RBFOX1: variants seen among roughly 807,000 people sequenced by gnomAD.
The protein encoded by RBFOX1 is RNA binding fox-1 homolog 1.
In RBFOX1, 8 loss-of-function variants were observed where a neutral mutation model predicts 57.7. The ratio of observed to expected loss-of-function variants is 0.14; its 90% CI spans 0.08 to 0.25. The LOEUF (loss-of-function observed/expected upper bound fraction) is 0.25. RBFOX1 is among the 10% of genes least tolerant of loss of function. The probability of loss-of-function intolerance (pLI) is 1.00; values close to 1 mark genes in which losing one functional copy is unlikely to be tolerated. For missense variants in RBFOX1, 611 were observed against 548.5 expected, an observed-to-expected ratio of 1.11 and a Z score of -1.14; for synonymous variants, 326 against 222.4, an observed-to-expected ratio of 1.47 and a Z score of -4.15.
At chr16:5,631,664 C>G (rs2048511925) in intron 3 of RBFOX1, among the ~76,000 whole-genome samples, 1 of 152,154 alleles carries the variant, frequency 6.6e-6, no homozygotes, top group African/African-American at 2.4e-5. Context: ...TTTCCCACCT[C>G]CTAGAACGGA....
At chr16:7,381,564 A>G (rs1457322881) in intron 4 of RBFOX1, among the ~76,000 whole-genome samples, 1 of 151,938 alleles carries the variant, frequency 6.6e-6, no homozygotes, top group Non-Finnish European at 1.5e-5. Context: ...TATACCCTAA[A>G]AAGAGGATTT....
intron 4 of RBFOX1, among the ~76,000 whole-genome samples, chr16:7,221,248 G>C (rs966897680): frequency 1.3e-5 from 2 of 152,074 alleles, no homozygotes; most frequent in African/African-American, 4.8e-5. Context: ...TAGAATAAGG[G>C]CTTCATAGCC....
At chr16:7,029,170 ATACGTATACGTGTATATATACACATATG>A (rs1449769167) in intron 3 of RBFOX1, among the ~76,000 whole-genome samples, 8,734 of 117,222 alleles carry the variant, frequency 0.075, 1,069 homozygotes, top group Non-Finnish European at 0.11. Context: ...ACACATATAT[ATACGTATACGTGTATATATACACATATG>A]TATACGTATA....
chr16:7,395,983 G>C (rs530037038), intron 4 of RBFOX1, among the ~76,000 whole-genome samples: 2 of 152,116 alleles, frequency 1.3e-5, no homozygotes, highest in African/African-American at 2.4e-5. Flanking sequence ...AGCATCTATC[G>C]GCAGGGCTTG....
chr16:5,790,789 C>T (rs1272974230), intron 3 of RBFOX1, among the ~76,000 whole-genome samples: 1 of 152,066 alleles, frequency 6.6e-6, no homozygotes, highest in Non-Finnish European at 1.5e-5. Context: ...CCTTACAGGA[C>T]CATTCCAGAG....
At chr16:7,297,726 T>C (rs2095928229) in intron 4 of RBFOX1, among the ~76,000 whole-genome samples, 2 of 152,318 alleles carry the variant, frequency 1.3e-5, no homozygotes, top group Middle Eastern at 3.4e-3. Context: ...GATGATAATA[T>C]AACTGTTTCA....
chr16:5,974,679 T>C (rs758219327), intron 4 of RBFOX1, among the ~76,000 whole-genome samples: 2 of 151,992 alleles, frequency 1.3e-5, no homozygotes, highest in East Asian at 1.9e-4. Context: ...ATTTCATTAG[T>C]TGTAATTATT....
At chr16:6,685,105 G>C (rs1211722436) in intron 3 of RBFOX1, among the ~76,000 whole-genome samples, 1 of 152,042 alleles carries the variant, frequency 6.6e-6, no homozygotes, top group African/African-American at 2.4e-5. Flanking sequence ...CCTATTTCCT[G>C]TCCAGAAAGG....
chr16:7,446,760 C>G (rs992407716), intron 4 of RBFOX1, among the ~76,000 whole-genome samples: 5 of 147,566 alleles, frequency 3.4e-5, no homozygotes, highest in African/African-American at 1.2e-4. Context: ...AACTTAAGCT[C>G]ACGTTTTCCT....
At chr16:6,908,877 T>G (rs1038392976) in intron 3 of RBFOX1, among the ~76,000 whole-genome samples, 1 of 152,122 alleles carries the variant, frequency 6.6e-6, no homozygotes, top group Admixed American at 6.6e-5. Flanking sequence ...TATAATAATT[T>G]TGAACAATGC....
chr16:7,469,515 G>C (rs2061170842), intron 4 of RBFOX1, among the ~76,000 whole-genome samples: 1 of 152,094 alleles, frequency 6.6e-6, no homozygotes, highest in African/African-American at 2.4e-5. Context: ...CAGCTTGCAT[G>C]TGGCATCCTC....
intron 2 of RBFOX1, among the ~76,000 whole-genome samples, chr16:6,393,130 C>T (rs977080953): frequency 2.0e-5 from 3 of 152,210 alleles, no homozygotes; most frequent in Admixed American, 6.5e-5. Context: ...GTATATTTTG[C>T]AGCCAAATGC....
At chr16:5,480,898 A>T (rs1421339096) in intron 2 of RBFOX1, among the ~76,000 whole-genome samples, 1 of 152,202 alleles carries the variant, frequency 6.6e-6, no homozygotes, top group African/African-American at 2.4e-5. Flanking sequence ...CTGAAACGTT[A>T]TTGCCACATA....
intron 3 of RBFOX1, among the ~76,000 whole-genome samples, chr16:7,001,668 G>C (rs1229949875): frequency 6.6e-6 from 1 of 151,990 alleles, no homozygotes; most frequent in East Asian, 1.9e-4. Flanking sequence ...TGTTGGCCAG[G>C]GTGGTCTCAA....
intron 4 of RBFOX1, among the ~76,000 whole-genome samples, chr16:5,905,630 G>C (rs916487324): frequency 6.6e-6 from 1 of 152,124 alleles, no homozygotes. Context: ...AGGAGGTCAA[G>C]GCTGCAGTAC....
chr16:6,967,958 C>T (rs959975171), intron 3 of RBFOX1, among the ~76,000 whole-genome samples: 4 of 152,168 alleles, frequency 2.6e-5, no homozygotes, highest in Admixed American at 2.0e-4. Flanking sequence ...GATAAAAACG[C>T]TCGGGGAGAG....
chr16:6,553,501 C>T (rs985309828), intron 2 of RBFOX1, among the ~76,000 whole-genome samples: 8 of 152,278 alleles, frequency 5.3e-5, no homozygotes, highest in East Asian at 3.9e-4. Context: ...CTACACCAAT[C>T]CACACAAGTA....
intron 14 of RBFOX1, among the ~76,000 whole-genome samples, chr16:7,700,950 T>C (rs1300362511): frequency 6.6e-6 from 1 of 152,158 alleles, no homozygotes; most frequent in Non-Finnish European, 1.5e-5. Flanking sequence ...TGTGTACGTA[T>C]TATGTATGCA....
chr16:6,097,826 T>C lies in RBFOX1; in HGVS notation c.-127+77834T>C, dbSNP rs2096263357. ...ATTTATTTTCTATCACCGTACTTACTGGTGGAGTGGAAGTCCCTTGGAAGT... is the reference window on the plus strand; with the variant it reads ...ATTTATTTTCTATCACCGTACTTACCGGTGGAGTGGAAGTCCCTTGGAAGT... On this transcript the variant is annotated intron_variant, in intron 1 of 15. Coordinates refer to ENST00000550418, the MANE Select transcript of RBFOX1 (RefSeq NM_018723.4). The surrounding 1 kb of genome is among the most constrained non-coding windows in gnomAD (Gnocchi z 5.0). Among the ~76,000 whole-genome samples, 2 of 152,044 alleles carry C rather than the reference T, an allele frequency of 1.3e-5. No homozygotes were observed. The highest frequency in any genetic ancestry group is 4.8e-5 in the African/African-American group (2 of 41,390).
Sources: gnomAD v4.1 joint callset for allele counts (sites outside exome capture counted in the v4.1 genomes callset) on GRCh38, gnomAD v4.1.1 for gene constraint, Gnocchi (gnomAD v3.1) non-coding constraint, MANE v1.5 for transcripts, NCBI Gene and HGNC (gene_info 2026-07-23, HGNC 2026-07-21) for gene names.